The following ASTN2 variants were observed in gnomAD, a reference collection of about 807,000 sequenced individuals.
The protein encoded by ASTN2 is astrotactin 2.
In ASTN2, 54 loss-of-function variants were observed where a neutral mutation model predicts 139.8. The observed-to-expected ratio is 0.39, with a 90% CI of 0.31 to 0.48. The LOEUF (loss-of-function observed/expected upper bound fraction) is 0.48, where lower values mean the gene tolerates loss of function less well. ASTN2 is among the 20% of genes least tolerant of loss of function. ASTN2 has a pLI of 0.95. For missense variants in ASTN2, 1,565 were observed against 1,725.1 expected, an observed-to-expected ratio of 0.91 and a Z score of 1.64; for synonymous variants, 756 against 719.5, an observed-to-expected ratio of 1.05 and a Z score of -0.81.
intron 22 of ASTN2, among the ~76,000 whole-genome samples, chr9:116,434,787 C>T (rs1453505044): frequency 6.6e-6 from 1 of 152,168 alleles, no homozygotes; most frequent in Non-Finnish European, 1.5e-5. Flanking sequence ...GGTGTCAGTG[C>T]GTCTTCTTTG....
At chr9:117,293,535 C>A (rs1012551940) in intron 1 of ASTN2, among the ~76,000 whole-genome samples, 1 of 152,174 alleles carries the variant, frequency 6.6e-6, no homozygotes, top group Admixed American at 6.5e-5. Context: ...GGTTTGTCAG[C>A]ACTTAGAGCA....
chr9:117,274,631 G>C (rs996101809), intron 2 of ASTN2, among the ~76,000 whole-genome samples: 2 of 152,204 alleles, frequency 1.3e-5, no homozygotes, highest in African/African-American at 2.4e-5. Context: ...ATGAAGAAAG[G>C]CTTCACAACA....
intron 2 of ASTN2, among the ~76,000 whole-genome samples, chr9:117,238,950 T>C (rs1003156331): frequency 7.9e-5 from 12 of 152,200 alleles, no homozygotes; most frequent in African/African-American, 2.9e-4. Context: ...ATTTCCAGTC[T>C]TTCTCAGCTA....
chr9:116,438,865 G>A (rs554092105), intron 22 of ASTN2, among the ~76,000 whole-genome samples: 131 of 152,160 alleles, frequency 8.6e-4, no homozygotes, highest in Non-Finnish European at 1.7e-3. Context: ...CAGGAGAATC[G>A]CTTGAACTCA....
At chr9:116,933,659 A>G (rs937447212) in intron 10 of ASTN2, among the ~76,000 whole-genome samples, 1 of 152,220 alleles carries the variant, frequency 6.6e-6, no homozygotes, top group Admixed American at 6.5e-5. Flanking sequence ...TAAGGAAAAA[A>G]AAAAGGCAAT....
intron 19 of ASTN2, among the ~76,000 whole-genome samples, chr9:116,578,711 TC>T (rs1853830023): frequency 6.7e-6 from 1 of 149,508 alleles, no homozygotes; most frequent in Admixed American, 6.7e-5. Context: ...CCATTGTTTT[TC>T]CCCCAAACTC....
chr9:116,674,539 A>G (rs1012304718), intron 16 of ASTN2, among the ~76,000 whole-genome samples: 1 of 152,238 alleles, frequency 6.6e-6, no homozygotes, highest in Non-Finnish European at 1.5e-5. Flanking sequence ...CAAGCTATTT[A>G]GATAAACTTC....
chr9:116,660,168 GCACACACACACACACACACACA>G (rs3041004), intron 16 of ASTN2, among the ~76,000 whole-genome samples: 19 of 146,576 alleles, frequency 1.3e-4, no homozygotes, highest in Non-Finnish European at 1.8e-4. Context: ...TATTGCAAGC[GCACACACACACACACACACACA>G]CACACACACA....
intron 7 of ASTN2, among the ~76,000 whole-genome samples, chr9:117,005,786 C>T (rs559550884): frequency 3.9e-5 from 6 of 152,210 alleles, no homozygotes; most frequent in African/African-American, 1.4e-4. Context: ...ATTCTTCACT[C>T]CTGTCTTGCT....
At chr9:116,781,649 T>C (rs1830221474) in intron 13 of ASTN2, among the ~76,000 whole-genome samples, 1 of 152,162 alleles carries the variant, frequency 6.6e-6, no homozygotes, top group Non-Finnish European at 1.5e-5. Context: ...AGAAACTCAC[T>C]GGGGCTCTCA....
intron 17 of ASTN2, among the ~76,000 whole-genome samples, chr9:116,647,717 A>G (rs1857670601): frequency 6.6e-6 from 1 of 152,212 alleles, no homozygotes; most frequent in Non-Finnish European, 1.5e-5. Flanking sequence ...AGCAGTAAAC[A>G]GGGATATTCA....
chr9:117,062,472 T>C (rs998531103), intron 5 of ASTN2, among the ~76,000 whole-genome samples: 2 of 152,234 alleles, frequency 1.3e-5, no homozygotes, highest in Admixed American at 1.3e-4. Context: ...TAAGACCTAC[T>C]GAACAGGAAT....
At chr9:116,901,607 T>C (rs944621518) in intron 10 of ASTN2, among the ~76,000 whole-genome samples, 4 of 152,230 alleles carry the variant, frequency 2.6e-5, no homozygotes, top group African/African-American at 9.6e-5. Flanking sequence ...TATAAGAGTA[T>C]AGCACATACA....
intron 16 of ASTN2, among the ~76,000 whole-genome samples, chr9:116,657,537 A>G (rs1430163423): frequency 6.6e-6 from 1 of 152,220 alleles, no homozygotes; most frequent in Non-Finnish European, 1.5e-5. Context: ...CTCAGCCAGA[A>G]CAAAGACATA....
chr9:116,940,536 T>A (rs929681584), intron 10 of ASTN2, among the ~76,000 whole-genome samples: 4 of 151,958 alleles, frequency 2.6e-5, no homozygotes, highest in Non-Finnish European at 5.9e-5. Context: ...AATAAAGGAG[T>A]TTAAGAGTGA....
intron 8 of ASTN2, among the ~76,000 whole-genome samples, chr9:116,976,431 C>A (rs143024334): frequency 1.3e-5 from 2 of 152,230 alleles, no homozygotes; most frequent in African/African-American, 4.8e-5. Flanking sequence ...TGGCAGTCCA[C>A]TTAAGAAAGT....
intron 1 of ASTN2, among the ~76,000 whole-genome samples, chr9:117,318,567 T>C (rs528465340): frequency 7.9e-5 from 12 of 152,230 alleles, no homozygotes; most frequent in African/African-American, 2.4e-4. Flanking sequence ...TCGAGGTTAA[T>C]TTAGTCATGC....
At chr9:116,702,397 A>T (rs1003328595) in intron 16 of ASTN2, among the ~76,000 whole-genome samples, 25 of 152,132 alleles carry the variant, frequency 1.6e-4, no homozygotes, top group African/African-American at 5.3e-4. Context: ...AACCTTTCTC[A>T]GGCATTTCTT....
At chr9:117,236,516 G>A (rs1173892307) in intron 2 of ASTN2, among the ~76,000 whole-genome samples, 1 of 152,192 alleles carries the variant, frequency 6.6e-6, no homozygotes, top group Non-Finnish European at 1.5e-5. Flanking sequence ...AGGACCCCAG[G>A]GGCTGGCAGT....
Sources: allele counts gnomAD v4.1 joint callset (sites outside exome capture counted in the v4.1 genomes callset), GRCh38; gene constraint gnomAD v4.1.1; transcripts MANE v1.5; gene names NCBI Gene and HGNC (gene_info 2026-07-23, HGNC 2026-07-21).